ENTREP2: variants seen among roughly 807,000 people sequenced by gnomAD.
The protein encoded by ENTREP2 is endosomal transmembrane epsin interactor 2, also known as protein ENTREP2.
chr15:29,124,651 G>A, the ENTREP2 span: 2 of 1,531,704 alleles, frequency 1.3e-6, no homozygotes, highest in Non-Finnish European at 1.8e-6. Flanking sequence ...CTCCCAGCAG[G>A]CGCAGTCAAA....
At chr15:29,582,572 G>T in the ENTREP2 span, among the ~76,000 whole-genome samples, 1 of 152,068 alleles carries the variant, frequency 6.6e-6, no homozygotes. Flanking sequence ...TCTGAAAAGG[G>T]AAACCAAAGC....
At chr15:29,663,556 C>A in the ENTREP2 span, among the ~76,000 whole-genome samples, 1 of 152,150 alleles carries the variant, frequency 6.6e-6, no homozygotes, top group African/African-American at 2.4e-5. Flanking sequence ...ATTTCATGTC[C>A]TTTGTAGGGA....
chr15:29,138,077 T>G, the ENTREP2 span, among the ~76,000 whole-genome samples: 1 of 152,160 alleles, frequency 6.6e-6, no homozygotes, highest in African/African-American at 2.4e-5. Context: ...CCAGCATTTC[T>G]CAAATATTTC....
At chr15:29,479,194 G>A in the ENTREP2 span, among the ~76,000 whole-genome samples, 1,525 of 122,560 alleles carry the variant, frequency 0.012, 8 homozygotes, top group African/African-American at 0.022. Context: ...GTGACAGAGC[G>A]AGGCTCTGTC....
chr15:29,225,116 G>A, the ENTREP2 span, among the ~76,000 whole-genome samples: 3 of 152,236 alleles, frequency 2.0e-5, no homozygotes, highest in South Asian at 2.1e-4. Context: ...CCCGGTTCCT[G>A]CTCACGCCTC....
chr15:29,122,879 A>T, the ENTREP2 span: 1 of 156,528 alleles, frequency 6.4e-6, no homozygotes, highest in Non-Finnish European at 1.4e-5. Flanking sequence ...CCACATGAGA[A>T]AATGTTTCAT....
At chr15:29,381,937 GCACA>G in the ENTREP2 span, 6 of 1,011,216 alleles carry the variant, frequency 5.9e-6, no homozygotes, top group Admixed American at 2.1e-5. Context: ...GTGGAACACA[GCACA>G]CACACAGTGG....
chr15:29,370,233 C>T, the ENTREP2 span, among the ~76,000 whole-genome samples: 4 of 152,290 alleles, frequency 2.6e-5, 1 homozygote, highest in Admixed American at 2.6e-4. Flanking sequence ...CAATTACACA[C>T]TGTCTATAAG....
chr15:29,503,517 AT>A, the ENTREP2 span, among the ~76,000 whole-genome samples: 7,247 of 152,152 alleles, frequency 0.048, 540 homozygotes, highest in African/African-American at 0.16. Context: ...CGTCATGATG[AT>A]TTAACATAAC....
At chr15:29,673,676 C>T in the ENTREP2 span, among the ~76,000 whole-genome samples, 18 of 152,200 alleles carry the variant, frequency 1.2e-4, no homozygotes, top group African/African-American at 4.3e-4. Context: ...TTTGTTAGTC[C>T]TGCAAAGGCA....
chr15:29,199,737 A>G, the ENTREP2 span, among the ~76,000 whole-genome samples: 1 of 152,196 alleles, frequency 6.6e-6, no homozygotes, highest in African/African-American at 2.4e-5. Context: ...AACGTTTTAA[A>G]TTTTGATGAA....
chr15:29,143,317 T>C, the ENTREP2 span, among the ~76,000 whole-genome samples: 1 of 152,234 alleles, frequency 6.6e-6, no homozygotes, highest in Non-Finnish European at 1.5e-5. Context: ...GTGTAAGTTG[T>C]CAGCACATCA....
the ENTREP2 span, among the ~76,000 whole-genome samples, chr15:29,444,586 C>A: frequency 4.6e-5 from 7 of 151,888 alleles, no homozygotes; most frequent in Non-Finnish European, 7.4e-5. Context: ...CCTGCCTCAG[C>A]CTCCCGAATA....
the ENTREP2 span, among the ~76,000 whole-genome samples, chr15:29,293,343 T>C: frequency 1.3e-5 from 2 of 151,846 alleles, no homozygotes; most frequent in Admixed American, 6.6e-5. Flanking sequence ...CTCCACCTCC[T>C]GGGTTCACGC....
chr15:29,432,944 C>T, the ENTREP2 span, among the ~76,000 whole-genome samples: 1 of 152,228 alleles, frequency 6.6e-6, no homozygotes, highest in African/African-American at 2.4e-5. Flanking sequence ...CTATTCTCTA[C>T]CTGCTCATCG....
the ENTREP2 span, among the ~76,000 whole-genome samples, chr15:29,163,931 C>G: frequency 6.6e-6 from 1 of 152,242 alleles, no homozygotes; most frequent in Middle Eastern, 3.4e-3. Context: ...ACCAGGTAAC[C>G]TATAAAAGAA....
the ENTREP2 span, among the ~76,000 whole-genome samples, chr15:29,534,555 T>A: frequency 5.9e-5 from 9 of 152,238 alleles, no homozygotes; most frequent in African/African-American, 2.2e-4. Context: ...GTAAAATACT[T>A]AATCTCTTTC....
At chr15:29,643,161 G>A in the ENTREP2 span, among the ~76,000 whole-genome samples, 1 of 152,074 alleles carries the variant, frequency 6.6e-6, no homozygotes, top group Admixed American at 6.6e-5. Context: ...ACCAAAAGTA[G>A]ATAAATTGGA....
chr15:29,596,816 C>T, the ENTREP2 span, among the ~76,000 whole-genome samples: 1 of 151,996 alleles, frequency 6.6e-6, no homozygotes, highest in Non-Finnish European at 1.5e-5. Flanking sequence ...TTACAGGCGC[C>T]CGCTGCCATG....
Sources: allele counts gnomAD v4.1 joint callset (sites outside exome capture counted in the v4.1 genomes callset), GRCh38; gene constraint gnomAD v4.1.1; transcripts MANE v1.5; gene names NCBI Gene and HGNC (gene_info 2026-07-23, HGNC 2026-07-21).